The following NECTIN2 variants were observed in gnomAD, a reference collection of about 807,000 sequenced individuals.
The protein encoded by NECTIN2 is nectin cell adhesion molecule 2, also known as nectin-2.
In NECTIN2, 23 loss-of-function variants were observed where a neutral mutation model predicts 56.9. The observed-to-expected ratio is 0.40, with a 90% CI of 0.29 to 0.57. NECTIN2 has a LOEUF of 0.57. Among genes scored for constraint, NECTIN2 ranks in the 20% least tolerant of loss-of-function variants. The probability of loss-of-function intolerance (pLI) is 0.38; values close to 1 mark genes in which losing one functional copy is unlikely to be tolerated. For synonymous variants in NECTIN2, 302 were observed against 313.8 expected (o/e 0.96, Z 0.40); for missense variants, 587 against 718.3 (o/e 0.82, Z 2.09).
rs1969217282 is a variant in NECTIN2, at chr19:44,874,678, G to T, written c.1042+200G>T. On this transcript the variant is annotated intron_variant, in intron 5 of 8. Transcript: ENST00000252483. The surrounding 1 kb of genome is among the most constrained non-coding windows in gnomAD (Gnocchi z 6.3). ...GTCTGGATTTGGGGTGTCGGGGTAG[G>T]TGAAGGCAGCAGAGTTGGGGGGTTG... 2 of 629,118 alleles carry T rather than the reference G, an allele frequency of 3.2e-6. No homozygotes were observed. Among genetic ancestry groups the T allele is most frequent in the African/African-American group, 1.8e-5 (1 of 54,344 alleles). The allele number at this position is 629,118 out of a possible 1,614,324, so 39.0% of individuals were successfully genotyped here.
Position 44,846,367 on chromosome 19 carries a change from T to C in NECTIN2, c.-159T>C, listed in dbSNP as rs1968833281. 1.1e-6 allele frequency: 1 copy of C among 928,260 alleles called. No individual in the cohort carries two copies. The highest frequency in any genetic ancestry group is 1.5e-6 in the Non-Finnish European group (1 of 682,676). The allele number at this position is 928,260 out of a possible 1,614,324, so 57.5% of individuals were successfully genotyped here. A position where few individuals can be genotyped will look rare whatever the true frequency, so the allele number is the denominator to read the frequency against. ...GGGTGCCGAGCCGGGCGGGGAGAGC[T>C]GGGCCGGGAGAGCAGAACAGGGAGG... On this transcript the variant is annotated 5_prime_UTR_variant, in exon 1 of 9. Coordinates refer to ENST00000252483, the MANE Select transcript of NECTIN2 (RefSeq NM_001042724.2).
At chr19:44,849,503 G>A (rs577595255) in intron 1 of NECTIN2, among the ~76,000 whole-genome samples, 1 of 152,080 alleles carries the variant, frequency 6.6e-6, no homozygotes, top group African/African-American at 2.4e-5. Context: ...CAGCTCCCCC[G>A]CCCCTGCCTG....
intron 1 of NECTIN2, among the ~76,000 whole-genome samples, chr19:44,864,367 T>C (rs1321444822): frequency 6.6e-6 from 1 of 152,132 alleles, no homozygotes; most frequent in Non-Finnish European, 1.5e-5. Context: ...TATTTTCTTT[T>C]TTAATTTTAA....
In NECTIN2 at chr19:44,874,206, T is replaced by C. The variant is rs1969209943; in HGVS notation, c.894-124T>C. On this transcript the variant is annotated intron_variant, in intron 4 of 8. Coordinates refer to ENST00000252483, the MANE Select transcript of NECTIN2 (RefSeq NM_001042724.2). The surrounding 1 kb of genome is among the most constrained non-coding windows in gnomAD (Gnocchi z 6.3). ...TGAAGGGAGCTTGCATTTTGGCAAT[T>C]TGGGGTCTCCGGGAGTACTTAGGTC... 4 of 1,350,756 alleles carry C rather than the reference T, an allele frequency of 3.0e-6. No homozygotes were observed. The highest frequency in any genetic ancestry group is 2.1e-6 in the Non-Finnish European group (2 of 971,672). The allele number at this position is 1,350,756 out of a possible 1,614,324, so 83.7% of individuals were successfully genotyped here. A position where few individuals can be genotyped will look rare whatever the true frequency, so the allele number is the denominator to read the frequency against.
chr19:44,882,690 CAAAAAAAAAAAAA>C (rs35741405), intron 6 of NECTIN2, among the ~76,000 whole-genome samples: 3 of 38,316 alleles, frequency 7.8e-5, no homozygotes, highest in African/African-American at 3.0e-4. Context: ...CCCCCATCTA[CAAAAAAAAAAAAA>C]AAAAAAAAAA....
chr19:44,875,203 A>G lies in NECTIN2; in HGVS notation c.1042+725A>G, dbSNP rs111462550. Among the ~76,000 whole-genome samples, 1 of 152,000 alleles carries G rather than the reference A, an allele frequency of 6.6e-6. No individual in the cohort carries two copies. Among genetic ancestry groups the G allele is most frequent in the African/African-American group, 2.4e-5 (1 of 41,374 alleles). On this transcript the variant is annotated intron_variant, in intron 5 of 8. Transcript: ENST00000252483. The surrounding 1 kb of genome is among the most constrained non-coding windows in gnomAD (Gnocchi z 4.2). ...CCCATTGTCACCAAGACACACACCC[A>G]GGAGGACAGTGGCACCAGCCAAGAT... is the stretch of plus-strand genomic sequence containing the variant.
In NECTIN2 at chr19:44,888,085, G is replaced by A. The variant is rs779650150; in HGVS notation, c.1348-25G>A. The A allele has an allele frequency of 2.5e-6, 4 of 1,602,782 alleles. No individual in the cohort carries two copies. In the African/African-American group the frequency reaches 5.4e-5, roughly 21 times the overall value. ...TGTCGTGCGTAGGAAGTGATCTTGA[G>A]TTCCTGTCCTCTCTCTACCTCCAGG... On this transcript the variant is annotated intron_variant, in intron 8 of 8. Transcript: ENST00000252483.
intron 1 of NECTIN2, among the ~76,000 whole-genome samples, chr19:44,850,890 C>T (rs922986985): frequency 6.6e-6 from 1 of 152,138 alleles, no homozygotes; most frequent in African/African-American, 2.4e-5. Flanking sequence ...TCTCTAGTCC[C>T]GACGTGCCTT....
At chr19:44,847,498 A>G (rs77835360) in intron 1 of NECTIN2, among the ~76,000 whole-genome samples, 2,324 of 152,118 alleles carry the variant, frequency 0.015, 69 homozygotes, top group African/African-American at 0.053. Context: ...CTGAGATCCA[A>G]ACAGAAGTGC....
rs899541226 is a variant in NECTIN2, at chr19:44,874,243, G to T, written c.894-87G>T. The T allele has an allele frequency of 6.7e-7, 1 of 1,502,186 alleles. No homozygotes were observed. The allele number at this position is 1,502,186 out of a possible 1,614,324, so 93.1% of individuals were successfully genotyped here. ...GGAGTACTTAGGTCCCTGGAGCTTG[G>T]CTCCTGGTGGGTGTATCTTTAGGGA... On this transcript the variant is annotated intron_variant, in intron 4 of 8. Coordinates refer to ENST00000252483, the MANE Select transcript of NECTIN2 (RefSeq NM_001042724.2). The surrounding 1 kb of genome is among the most constrained non-coding windows in gnomAD (Gnocchi z 6.3).
chr19:44,862,796 C>T (rs1056479667), intron 1 of NECTIN2, among the ~76,000 whole-genome samples: 2 of 151,926 alleles, frequency 1.3e-5, no homozygotes, highest in Non-Finnish European at 2.9e-5. Context: ...GGGTGGATCA[C>T]GAGGTCAGGC....
At chr19:44,848,568 C>T (rs1412139549) in intron 1 of NECTIN2, among the ~76,000 whole-genome samples, 2 of 152,112 alleles carry the variant, frequency 1.3e-5, no homozygotes, top group Non-Finnish European at 2.9e-5. Context: ...CCTCTTAGCC[C>T]CTGGAGAAGG....
At chr19:44,871,045 C>T (rs1235184271) in intron 2 of NECTIN2, among the ~76,000 whole-genome samples, 2 of 152,062 alleles carry the variant, frequency 1.3e-5, no homozygotes, top group Non-Finnish European at 2.9e-5. Flanking sequence ...TTTGTATTTT[C>T]AGTAGAGATG....
chr19:44,869,953 TA>T (rs1396961404), intron 2 of NECTIN2, among the ~76,000 whole-genome samples: 5 of 143,686 alleles, frequency 3.5e-5, no homozygotes, highest in African/African-American at 5.1e-5. Context: ...CTCAAATTAA[TA>T]AAAAAAAAAG....
intron 5 of NECTIN2, chr19:44,878,392 C>T (rs373022885): frequency 7.1e-5 from 111 of 1,558,338 alleles, no homozygotes; most frequent in Non-Finnish European, 8.5e-5. Context: ...CCAGTGGCGA[C>T]GGGGGATTCT....
Position 44,875,597 on chromosome 19 carries a change from C to T in NECTIN2, c.1042+1119C>T, listed in dbSNP as rs751266649. 3.9e-5 allele frequency among the ~76,000 whole-genome samples: 6 copies of T among 152,166 alleles called. No homozygotes were observed. The highest frequency in any genetic ancestry group is 2.0e-4 in the Admixed American group (3 of 15,274). On this transcript the variant is annotated intron_variant, in intron 5 of 8. Coordinates refer to ENST00000252483, the MANE Select transcript of NECTIN2 (RefSeq NM_001042724.2). The surrounding 1 kb of genome is among the most constrained non-coding windows in gnomAD (Gnocchi z 4.2). ...AGACATTCTTAGAAACACGCCAGGGCGACGGTCCATGCAGCACACCTGTGC... is the reference window on the plus strand; with the variant it reads ...AGACATTCTTAGAAACACGCCAGGGTGACGGTCCATGCAGCACACCTGTGC...
chr19:44,846,943 T>A (rs1968842490), intron 1 of NECTIN2, among the ~76,000 whole-genome samples: 1 of 151,520 alleles, frequency 6.6e-6, no homozygotes, highest in Non-Finnish European at 1.5e-5. Context: ...TGGTGCCCCC[T>A]CCCCACCCCG....
At chr19:44,850,668 G>A (rs973875213) in intron 1 of NECTIN2, among the ~76,000 whole-genome samples, 3 of 152,040 alleles carry the variant, frequency 2.0e-5, no homozygotes, top group African/African-American at 7.2e-5. Context: ...AAAACACACG[G>A]ATTAGAGGAG....
At chr19:44,879,861 G>C (rs1969288640) in intron 5 of NECTIN2, among the ~76,000 whole-genome samples, 1 of 152,160 alleles carries the variant, frequency 6.6e-6, no homozygotes, top group African/African-American at 2.4e-5. Flanking sequence ...GCCAGGCAGT[G>C]CTGGGGCTGC....
Sources: gnomAD v4.1 joint callset for allele counts (sites outside exome capture counted in the v4.1 genomes callset) on GRCh38, gnomAD v4.1.1 for gene constraint, Gnocchi (gnomAD v3.1) non-coding constraint, MANE v1.5 for transcripts, NCBI Gene and HGNC (gene_info 2026-07-23, HGNC 2026-07-21) for gene names.